Variants in SKIC2 observed in about 807,000 individuals in gnomAD.
The protein encoded by SKIC2 is superkiller complex protein 2.
At chr6:31,968,391 C>T in the SKIC2 span, 1 of 1,613,010 alleles carries the variant, frequency 6.2e-7, no homozygotes, top group Non-Finnish European at 8.5e-7. The surrounding 1 kb of genome is among the most constrained non-coding windows in gnomAD (Gnocchi z 6.1). Flanking sequence ...TGGCTCAGGC[C>T]CACCCAGCCG....
chr6:31,967,105 G>C, the SKIC2 span: 1,424 of 1,612,634 alleles, frequency 8.8e-4, 2 homozygotes, highest in Middle Eastern at 5.9e-3. The surrounding 1 kb of genome is among the most constrained non-coding windows in gnomAD (Gnocchi z 4.9). Context: ...ATTACAGCTG[G>C]GGGGAGGAAC....
At chr6:31,959,947 C>T in the SKIC2 span, 7 of 1,180,362 alleles carry the variant, frequency 5.9e-6, no homozygotes, top group Non-Finnish European at 8.9e-6. Context: ...GTCCCATCAT[C>T]TCTTTTGTCT....
the SKIC2 span, chr6:31,968,997 C>G: frequency 5.0e-6 from 8 of 1,612,794 alleles, no homozygotes; most frequent in African/African-American, 1.1e-4. The surrounding 1 kb of genome is among the most constrained non-coding windows in gnomAD (Gnocchi z 6.1). Context: ...ACTGAGCACC[C>G]TGCGGCCTGA....
At chr6:31,964,308 T>G in the SKIC2 span, 2 of 1,612,842 alleles carry the variant, frequency 1.2e-6, no homozygotes, top group Non-Finnish European at 1.7e-6. The surrounding 1 kb of genome is among the most constrained non-coding windows in gnomAD (Gnocchi z 5.0). Flanking sequence ...CTCAAGGAGA[T>G]CGTGGAGATG....
chr6:31,961,422 C>G, the SKIC2 span: 1 of 1,527,442 alleles, frequency 6.5e-7, no homozygotes, highest in Non-Finnish European at 8.8e-7. Flanking sequence ...AAGAAAGAGC[C>G]TTGCCACCAG....
the SKIC2 span, chr6:31,961,799 C>T: frequency 1.9e-6 from 3 of 1,551,762 alleles, no homozygotes; most frequent in African/African-American, 4.1e-5. Flanking sequence ...TACTCAGTCC[C>T]AGCCTCGGCT....
At chr6:31,968,400 C>T in the SKIC2 span, 64 of 1,612,886 alleles carry the variant, frequency 4.0e-5, no homozygotes, top group African/African-American at 1.5e-4. This position sits in a 1 kb window ranked among gnomAD's most constrained non-coding sequence, Gnocchi z 6.1. Context: ...CCCACCCAGC[C>T]GGACCTCCCA....
chr6:31,959,232 G>A, the SKIC2 span: 4 of 1,606,570 alleles, frequency 2.5e-6, no homozygotes, highest in South Asian at 1.1e-5. Context: ...GGAGGGGAGG[G>A]AAATGGAACG....
the SKIC2 span, chr6:31,961,075 C>G: frequency 1.9e-6 from 3 of 1,613,230 alleles, no homozygotes; most frequent in African/African-American, 2.7e-5. Flanking sequence ...TCAAGAAAGG[C>G]ATGGACTTTG....
At chr6:31,959,454 A>G in the SKIC2 span, 2 of 1,194,110 alleles carry the variant, frequency 1.7e-6, no homozygotes, top group Non-Finnish European at 2.5e-6. Flanking sequence ...AACCTCCTTC[A>G]CCCTCCTCAC....
At chr6:31,961,996 G>T in the SKIC2 span, 1 of 1,612,900 alleles carries the variant, frequency 6.2e-7, no homozygotes, top group African/African-American at 1.3e-5. Context: ...TCACACATCT[G>T]CAGGAAAAAC....
chr6:31,963,984 C>T, the SKIC2 span: 1 of 1,612,590 alleles, frequency 6.2e-7, no homozygotes, highest in South Asian at 1.1e-5. The surrounding 1 kb of genome is among the most constrained non-coding windows in gnomAD (Gnocchi z 5.3). Context: ...TGGTGTTCAC[C>T]TTCTCCCGGG....
At chr6:31,961,225 A>G in the SKIC2 span, 2 of 1,614,058 alleles carry the variant, frequency 1.2e-6, no homozygotes, top group Non-Finnish European at 1.7e-6. Context: ...TGGACTACTA[A>G]GCCTTAGCTG....
the SKIC2 span, chr6:31,961,433 G>C: frequency 6.6e-7 from 1 of 1,524,532 alleles, no homozygotes; most frequent in Non-Finnish European, 8.8e-7. Flanking sequence ...TTGCCACCAG[G>C]ATGTGGGCTG....
chr6:31,962,909 T>G, the SKIC2 span: 2 of 1,336,054 alleles, frequency 1.5e-6, no homozygotes, highest in Non-Finnish European at 2.1e-6. This position sits in a 1 kb window ranked among gnomAD's most constrained non-coding sequence, Gnocchi z 5.0. Context: ...TACCCCCATA[T>G]GGAATCCTGT....
the SKIC2 span, chr6:31,962,941 C>T: frequency 8.2e-6 from 12 of 1,464,142 alleles, no homozygotes; most frequent in East Asian, 2.3e-5. The surrounding 1 kb of genome is among the most constrained non-coding windows in gnomAD (Gnocchi z 5.0). Flanking sequence ...GGCAGAAGGG[C>T]GGCCCCTGCC....
the SKIC2 span, chr6:31,962,362 C>T: frequency 1.9e-5 from 28 of 1,503,830 alleles, no homozygotes; most frequent in Middle Eastern, 1.7e-4. The surrounding 1 kb of genome is among the most constrained non-coding windows in gnomAD (Gnocchi z 5.0). Flanking sequence ...CATGCTTCCA[C>T]GAGGGCTCCA....
chr6:31,966,102 CT>C, the SKIC2 span: 18,623 of 702,838 alleles, frequency 0.026, 87 homozygotes, highest in Middle Eastern at 0.085. The surrounding 1 kb of genome is among the most constrained non-coding windows in gnomAD (Gnocchi z 5.9). Flanking sequence ...TTTCTTCTTC[CT>C]TTTTTTTTTG....
chr6:31,963,541 G>T, the SKIC2 span: 1 of 1,591,936 alleles, frequency 6.3e-7, no homozygotes, highest in Non-Finnish European at 8.5e-7. The surrounding 1 kb of genome is among the most constrained non-coding windows in gnomAD (Gnocchi z 5.3). Flanking sequence ...GACTCCCGAG[G>T]AGCCTTCCAT....
Sources: gnomAD v4.1 joint callset for allele counts on GRCh38, gnomAD v4.1.1 for gene constraint, Gnocchi (gnomAD v3.1) non-coding constraint, MANE v1.5 for transcripts, NCBI Gene and HGNC (gene_info 2026-07-23, HGNC 2026-07-21) for gene names.